The following PTPN22 variants were observed in gnomAD, a reference collection of about 807,000 sequenced individuals.
PTPN22 encodes the protein protein tyrosine phosphatase non-receptor type 22.
Under a neutral mutation model 103.3 loss-of-function variants are expected in PTPN22, and 85 were observed. The observed-to-expected ratio is 0.82, with a 90% confidence interval of 0.69 to 0.99. PTPN22 has a LOEUF of 0.99. Ranked by LOEUF, PTPN22 falls within the 50% of genes least tolerant of loss-of-function variation. The probability of loss-of-function intolerance (pLI) is 0.00; values close to 1 mark genes in which losing one functional copy is unlikely to be tolerated. For synonymous variants in PTPN22, 323 were observed against 310.2 expected (o/e 1.04, Z -0.43); for missense variants, 865 against 936.9 (o/e 0.92, Z 1.00).
intron 11 of PTPN22, among the ~76,000 whole-genome samples, chr1:113,846,992 ATT>A (rs778146828): frequency 1.7e-4 from 13 of 76,110 alleles, no homozygotes; most frequent in African/African-American, 5.8e-4. Flanking sequence ...CCAATGCTAG[ATT>A]TTTTTTTTTT....
In PTPN22 at chr1:113,837,581, A is replaced by C; in HGVS notation, c.1810+9T>G. ...TAAAATTCTATGCAAACTTTAAAAA[A>C]TAACTTACCTAGTACAGCTGACTCC... On this transcript the variant is annotated intron_variant, in intron 13 of 20. Coordinates refer to ENST00000359785, the Ensembl canonical transcript of PTPN22. The C allele has an allele frequency of 6.6e-7, 1 of 1,508,134 alleles. No individual in the cohort carries two copies. Among genetic ancestry groups the C allele is most frequent in the Non-Finnish European group, 9.0e-7 (1 of 1,107,134 alleles). The allele number at this position is 1,508,134 out of a possible 1,614,324, so 93.4% of individuals were successfully genotyped here.
intron 18 of PTPN22, among the ~76,000 whole-genome samples, chr1:113,827,876 T>C (rs183832527): frequency 6.6e-5 from 10 of 152,174 alleles, no homozygotes; most frequent in Non-Finnish European, 1.5e-4. Context: ...CCAACAACAT[T>C]GAGTGTGCTT....
rs72483510 is a variant in PTPN22 at position 113,858,596 on chromosome 1, C to G, written c.274-23G>C. 416 of 1,423,068 alleles carry G rather than the reference C, an allele frequency of 2.9e-4. 5 individuals are homozygous for G. The South Asian group carries it at 4.9e-3, about 17-fold the overall frequency. The allele number at this position is 1,423,068 out of a possible 1,614,324, so 88.2% of individuals were successfully genotyped here. On this transcript the variant is annotated intron_variant, in intron 3 of 20. Coordinates refer to ENST00000359785, the Ensembl canonical transcript of PTPN22. ...TCCCTAAAGGGGAACAGAAATTACA[C>G]GGGGTGACTACAAATAATACCCTGT...
exon 14 of PTPN22, chr1:113,834,985 G>C (rs1184683234): frequency 1.3e-6 from 2 of 1,544,626 alleles, no homozygotes; most frequent in Non-Finnish European, 1.7e-6. Context: ...TCTATCCTTG[G>C]AGCAGTTGCT....
exon 13 of PTPN22, chr1:113,837,825 T>C: frequency 6.2e-7 from 1 of 1,613,796 alleles, no homozygotes; most frequent in African/African-American, 1.3e-5. Context: ...TGTAAGAATA[T>C]ACACCAAGAG....
At chr1:113,815,664 G>A (rs1258341122) in intron 20 of PTPN22, among the ~76,000 whole-genome samples, 1 of 151,986 alleles carries the variant, frequency 6.6e-6, no homozygotes, top group Non-Finnish European at 1.5e-5. Context: ...TCTTTTTGAT[G>A]GTAGTGTCTT....
At chr1:113,843,286 A>ATG (rs35997994) in intron 11 of PTPN22, among the ~76,000 whole-genome samples, 19,922 of 149,696 alleles carry the variant, frequency 0.13, 1,609 homozygotes, top group East Asian at 0.23. Flanking sequence ...GATAAACAAA[A>ATG]TGTGTGTGTG....
Position 113,845,200 on chromosome 1 carries a change from G to GTT in PTPN22, c.915+3338_915+3339dup, listed in dbSNP as rs766526572. Among the ~76,000 whole-genome samples, 1,192 of 137,634 alleles carry GTT rather than the reference G, an allele frequency of 8.7e-3. 18 individuals are homozygous for GTT. Among genetic ancestry groups the GTT allele is most frequent in the African/African-American group, 0.027 (1,022 of 37,500 alleles). 90.3% of individuals were successfully genotyped at this position (137,634 alleles called of 152,430 possible). On this transcript the variant is annotated intron_variant, in intron 11 of 20. Coordinates refer to ENST00000359785, the Ensembl canonical transcript of PTPN22. Reference sequence around the variant, plus strand: ...TTTTGGTTGTTTTGTTTTTGTTTTTGTTTTTTTTTTTTTTGAGACAGAGTC... The same window carrying GTT: ...TTTTGGTTGTTTTGTTTTTGTTTTTGTTTTTTTTTTTTTTTTGAGACAGAGTC...
chr1:113,833,665 G>A (rs574662735), intron 15 of PTPN22, among the ~76,000 whole-genome samples: 1 of 152,250 alleles, frequency 6.6e-6, no homozygotes, highest in East Asian at 1.9e-4. Context: ...AGACTATACA[G>A]AAATGCATAA....
At chr1:113,871,463 T>C (rs942673497) in intron 1 of PTPN22, 74 bp downstream of exon 1, 27 of 1,276,602 alleles carry the variant, frequency 2.1e-5, no homozygotes, top group Non-Finnish European at 2.9e-5. Flanking sequence ...CAATTTGGTC[T>C]CGGAAAATTG....
chr1:113,816,997 A>T (rs1385265310), intron 20 of PTPN22, among the ~76,000 whole-genome samples: 1 of 152,170 alleles, frequency 6.6e-6, no homozygotes, highest in Non-Finnish European at 1.5e-5. Context: ...AGATTCAAGA[A>T]AAAAAAGCAC....
At chr1:113,868,369 G>A (rs895208911) in intron 1 of PTPN22, among the ~76,000 whole-genome samples, 1 of 152,108 alleles carries the variant, frequency 6.6e-6, no homozygotes, top group African/African-American at 2.4e-5. Context: ...CTCAAACCTC[G>A]GAAACATAAA....
At chr1:113,835,558 C>T (rs1258743327) in intron 13 of PTPN22, among the ~76,000 whole-genome samples, 1 of 152,030 alleles carries the variant, frequency 6.6e-6, no homozygotes, top group Non-Finnish European at 1.5e-5. Flanking sequence ...AGCTCAAAAA[C>T]ATTTTGATTG....
intron 11 of PTPN22, among the ~76,000 whole-genome samples, chr1:113,846,757 C>G (rs972774152): frequency 1.3e-5 from 2 of 152,102 alleles, no homozygotes; most frequent in African/African-American, 4.8e-5. Context: ...TATTTTCTTT[C>G]AGCACTTGGA....
At chr1:113,848,765 C>T in intron 10 of PTPN22, 139 bp from the exon 11 acceptor site, 5 of 772,640 alleles carry the variant, frequency 6.5e-6, no homozygotes, top group Non-Finnish European at 8.4e-6. Context: ...TGTTATTAAA[C>T]TTACTAACAA....
chr1:113,864,538 C>A (rs1198266042), intron 1 of PTPN22, among the ~76,000 whole-genome samples: 4 of 148,300 alleles, frequency 2.7e-5, no homozygotes, highest in Non-Finnish European at 4.5e-5. Context: ...AGATGGGAAC[C>A]CTAGAGGTTG....
chr1:113,857,301 C>T (rs1011367434), intron 5 of PTPN22, among the ~76,000 whole-genome samples: 10 of 152,260 alleles, frequency 6.6e-5, no homozygotes, highest in Non-Finnish European at 1.3e-4. Context: ...AAACAGCTTT[C>T]TGATAACTGA....
chr1:113,837,403 T>C (rs1224407553), intron 13 of PTPN22, among the ~76,000 whole-genome samples, 187 bp downstream of exon 13: 1 of 149,060 alleles, frequency 6.7e-6, no homozygotes, highest in African/African-American at 2.5e-5. Context: ...TGAGCCAAGA[T>C]TGCACCACTG....
chr1:113,825,703 A>AGT (rs1661992988), intron 18 of PTPN22, among the ~76,000 whole-genome samples: 4 of 151,124 alleles, frequency 2.6e-5, no homozygotes, highest in East Asian at 2.0e-4. Context: ...AGATTAATAA[A>AGT]TGTTGTTGTT....
Sources: allele counts gnomAD v4.1 joint callset (sites outside exome capture counted in the v4.1 genomes callset), GRCh38; gene constraint gnomAD v4.1.1; transcripts MANE v1.5; gene names NCBI Gene and HGNC (gene_info 2026-07-23, HGNC 2026-07-21).